Variants in RNF43 observed in about 807,000 individuals in gnomAD.
The protein encoded by RNF43 is E3 ubiquitin-protein ligase RNF43.
In RNF43, 37 loss-of-function variants were observed where a neutral mutation model predicts 78.4. The observed-to-expected ratio is 0.47, with a 90% CI of 0.36 to 0.62. RNF43 has a LOEUF of 0.62. RNF43 is among the 20% of genes least tolerant of loss of function. The probability of loss-of-function intolerance (pLI) is 0.00; values close to 1 mark genes in which losing one functional copy is unlikely to be tolerated. For synonymous variants in RNF43, 347 were observed against 395.0 expected (o/e 0.88, Z 1.44); for missense variants, 774 against 1,007.9 (o/e 0.77, Z 3.14).
At chr17:58,388,976 T>TCAAATTGCAAAG (rs1263640372) in intron 2 of RNF43, among the ~76,000 whole-genome samples, 2 of 152,220 alleles carry the variant, frequency 1.3e-5, no homozygotes, top group African/African-American at 2.4e-5. Flanking sequence ...CAAAGGCTAC[T>TCAAATTGCAAAG]GCATGCCAAG....
intron 2 of RNF43, among the ~76,000 whole-genome samples, chr17:58,374,479 A>C (rs1598144151): frequency 6.8e-6 from 1 of 146,594 alleles, no homozygotes. Flanking sequence ...TGCAACCTCC[A>C]CCTCCTGGGT....
chr17:58,369,135 G>A (rs989215884), intron 3 of RNF43, among the ~76,000 whole-genome samples: 1 of 152,114 alleles, frequency 6.6e-6, no homozygotes, highest in African/African-American at 2.4e-5. Context: ...TACAGGCACT[G>A]GGAACTTGTT....
At chr17:58,369,043 CCTT>C (rs1229497548) in intron 3 of RNF43, among the ~76,000 whole-genome samples, 2 of 151,918 alleles carry the variant, frequency 1.3e-5, no homozygotes, top group African/African-American at 4.8e-5. Flanking sequence ...TTCTCGGAAT[CCTT>C]CTTCCCCATC....
chr17:58,407,214 G>C (rs1973930562), intron 2 of RNF43, among the ~76,000 whole-genome samples: 1 of 151,774 alleles, frequency 6.6e-6, no homozygotes, highest in Non-Finnish European at 1.5e-5. Context: ...GAGTAGCTGG[G>C]ACTACAGGTG....
chr17:58,410,985 G>C (rs1032965951), intron 2 of RNF43, among the ~76,000 whole-genome samples: 5 of 152,248 alleles, frequency 3.3e-5, no homozygotes, highest in South Asian at 2.1e-4. Flanking sequence ...GGGCTCTGCA[G>C]TTCAAGTTCC....
At chr17:58,362,494 C>A (rs2143457348) in intron 6 of RNF43, 50 bp downstream of exon 6, 2 of 1,389,918 alleles carry the variant, frequency 1.4e-6, no homozygotes, top group South Asian at 1.3e-5. Flanking sequence ...TAACCACCCA[C>A]CCACACACAC....
chr17:58,370,342 A>G (rs531152007), intron 3 of RNF43, among the ~76,000 whole-genome samples: 1 of 152,304 alleles, frequency 6.6e-6, no homozygotes, highest in East Asian at 1.9e-4. Flanking sequence ...TGCTGGGATT[A>G]TAGGCGTGCG....
At chr17:58,356,713 A>G (rs1384298343) in intron 9 of RNF43, among the ~76,000 whole-genome samples, 1 of 151,766 alleles carries the variant, frequency 6.6e-6, no homozygotes, top group Non-Finnish European at 1.5e-5. Context: ...ATAGCCTCGT[A>G]TTATGGTTAT....
At chr17:58,366,685 T>C (rs948740542) in intron 3 of RNF43, among the ~76,000 whole-genome samples, 1 of 152,234 alleles carries the variant, frequency 6.6e-6, no homozygotes, top group Admixed American at 6.5e-5. Context: ...GTTGTTTTTT[T>C]CTGTAAACTG....
chr17:58,387,113 G>A (rs573882388), intron 2 of RNF43, among the ~76,000 whole-genome samples: 252 of 152,198 alleles, frequency 1.7e-3, no homozygotes, highest in Middle Eastern at 6.8e-3. Flanking sequence ...TTTGTGATTC[G>A]TACTTCACAC....
chr17:58,397,743 C>G (rs1598160498), intron 2 of RNF43, among the ~76,000 whole-genome samples: 1 of 151,924 alleles, frequency 6.6e-6, no homozygotes, highest in African/African-American at 2.4e-5. Context: ...ATTATCAGGC[C>G]CAGAGAGACA....
At chr17:58,384,671 T>G (rs898944150) in intron 2 of RNF43, among the ~76,000 whole-genome samples, 3 of 152,154 alleles carry the variant, frequency 2.0e-5, no homozygotes, top group African/African-American at 7.2e-5. Context: ...CGGTTTCAGG[T>G]ACTAAATCTA....
chr17:58,408,301 G>A (rs1185162659), intron 2 of RNF43, among the ~76,000 whole-genome samples: 1 of 152,166 alleles, frequency 6.6e-6, no homozygotes, highest in Non-Finnish European at 1.5e-5. Flanking sequence ...AAGTATTTGT[G>A]TGTATTTTGT....
At position 58,396,361 on chromosome 17, in the gene RNF43, C is replaced by T. The variant is rs956021013; in HGVS notation, c.252+18965G>A. ...CAACACAACTGAGGAGAGATGAGCA[C>T]GCAACCATTTAACAGGAAAAAAACT... is the stretch of plus-strand genomic sequence containing the variant. On this transcript the variant is annotated intron_variant, in intron 2 of 9. Coordinates refer to ENST00000407977, the MANE Select transcript of RNF43 (RefSeq NM_017763.6). Among the ~76,000 whole-genome samples the T allele has an allele frequency of 4.6e-5, 7 of 152,142 alleles. No individual in the cohort carries two copies. In the South Asian group the frequency reaches 6.2e-4, roughly 14 times the overall value.
intron 2 of RNF43, among the ~76,000 whole-genome samples, chr17:58,377,115 C>G (rs1363056804): frequency 1.3e-5 from 2 of 152,138 alleles, no homozygotes; most frequent in Non-Finnish European, 2.9e-5. Context: ...CTGACCCCAT[C>G]ATTTACCTGT....
intron 3 of RNF43, among the ~76,000 whole-genome samples, chr17:58,370,102 T>C (rs1318693313): frequency 8.1e-6 from 1 of 123,130 alleles, no homozygotes. Context: ...AAAGTCCCGC[T>C]CTGTCACCCA....
chr17:58,387,132 C>T (rs976586654), intron 2 of RNF43, among the ~76,000 whole-genome samples: 4 of 152,156 alleles, frequency 2.6e-5, no homozygotes, highest in Non-Finnish European at 4.4e-5. Flanking sequence ...ACTAAGCACT[C>T]GTTAGAAACA....
rs2143386861 is a variant in RNF43 at position 58,357,574 on chromosome 17, G to A, written c.2202C>T (p.Pro734=). ...PVWLCLTPRQ[P]LEPHPPGEGP... ...CCTCCCCAGGTGGATGTGGTTCCAG[G>A]GGCTGGCGAGGAGTCAGGCACAACC... The change falls in exon 9 of 10, where the codon CCC becomes CCT. Residue 734 remains proline, a synonymous_variant. Coordinates refer to ENST00000407977, the MANE Select transcript of RNF43 (RefSeq NM_017763.6). The surrounding 1 kb of genome is among the most constrained non-coding windows in gnomAD (Gnocchi z 4.5). 3.1e-6 allele frequency: 5 copies of A among 1,614,220 alleles called. No homozygotes were observed. In the South Asian group the frequency reaches 5.5e-5, roughly 18 times the overall value.
chr17:58,383,939 T>A, intron 2 of RNF43, among the ~76,000 whole-genome samples: 1 of 152,186 alleles, frequency 6.6e-6, no homozygotes, highest in Non-Finnish European at 1.5e-5. Context: ...TTTAAAGTCT[T>A]CAGTTGAAGA....
Sources: gnomAD v4.1 joint callset for allele counts (sites outside exome capture counted in the v4.1 genomes callset) on GRCh38, gnomAD v4.1.1 for gene constraint, Gnocchi (gnomAD v3.1) non-coding constraint, MANE v1.5 for transcripts, NCBI Gene and HGNC (gene_info 2026-07-23, HGNC 2026-07-21) for gene names.